DMRT1: variants seen among roughly 807,000 people sequenced by gnomAD.
DMRT1 encodes doublesex and mab-3 related transcription factor 1, also known as doublesex- and mab-3-related transcription factor 1.
A neutral mutation model predicts 32.3 loss-of-function variants in DMRT1; 7 were observed. That is an observed-to-expected ratio of 0.22 (90% CI 0.12 to 0.41). The LOEUF (loss-of-function observed/expected upper bound fraction) is 0.41. Ranked by LOEUF, DMRT1 falls within the 10% of genes least tolerant of loss-of-function variation. DMRT1 has a pLI of 1.00. For missense variants in DMRT1, 625 were observed against 500.5 expected, an observed-to-expected ratio of 1.25 and a Z score of -2.37; for synonymous variants, 278 against 206.1, an observed-to-expected ratio of 1.35 and a Z score of -2.99.
At chr9:926,944 C>T (rs1403739181) in intron 4 of DMRT1, among the ~76,000 whole-genome samples, 2 of 152,178 alleles carry the variant, frequency 1.3e-5, no homozygotes, top group Non-Finnish European at 2.9e-5. Flanking sequence ...CATTTAGAGA[C>T]CATTTGTATT....
intron 3 of DMRT1, among the ~76,000 whole-genome samples, chr9:906,511 T>A (rs1243858512): frequency 6.6e-6 from 1 of 152,190 alleles, no homozygotes; most frequent in African/African-American, 2.4e-5. Context: ...GCCCTGGAGA[T>A]TGTGATGGTG....
At chr9:855,833 G>A (rs1252265811) in intron 2 of DMRT1, among the ~76,000 whole-genome samples, 1 of 152,120 alleles carries the variant, frequency 6.6e-6, no homozygotes, top group Non-Finnish European at 1.5e-5. Flanking sequence ...TGCCTAGGCT[G>A]GTCTCAAACT....
intron 2 of DMRT1, among the ~76,000 whole-genome samples, chr9:859,819 C>G (rs1048137711): frequency 6.6e-6 from 1 of 152,072 alleles, no homozygotes; most frequent in Non-Finnish European, 1.5e-5. Flanking sequence ...AGAAAATAAT[C>G]AATTCAGTAT....
intron 2 of DMRT1, among the ~76,000 whole-genome samples, chr9:884,663 T>C (rs752436796): frequency 2.6e-5 from 4 of 152,186 alleles, no homozygotes; most frequent in Non-Finnish European, 5.9e-5. Flanking sequence ...TAGGAGTATA[T>C]ACCAATGGTA....
intron 2 of DMRT1, among the ~76,000 whole-genome samples, chr9:888,377 C>T (rs1182811074): frequency 6.6e-6 from 1 of 151,432 alleles, no homozygotes; most frequent in African/African-American, 2.4e-5. Context: ...GCGATCTCGG[C>T]TCACTGCACC....
At chr9:897,689 C>G (rs1817424916) in intron 3 of DMRT1, among the ~76,000 whole-genome samples, 1 of 151,886 alleles carries the variant, frequency 6.6e-6, no homozygotes, top group South Asian at 2.1e-4. Flanking sequence ...GTTTTAAAAT[C>G]ATGTTTGTTC....
At chr9:869,407 C>T (rs907585947) in intron 2 of DMRT1, among the ~76,000 whole-genome samples, 1 of 152,242 alleles carries the variant, frequency 6.6e-6, no homozygotes, top group Non-Finnish European at 1.5e-5. Context: ...TAGCTGTTCT[C>T]CGTAGGAATT....
rs752968900 is a variant in DMRT1 at position 851,861 on chromosome 9, GA to G, written c.538+4721del. Among the ~76,000 whole-genome samples, 17 of 152,122 alleles carry G rather than the reference GA, an allele frequency of 1.1e-4. 1 individual carries two copies. The highest frequency in any genetic ancestry group is 5.2e-4 in the Admixed American group (8 of 15,268). ...TTACATGATTTTGGATATTACTGTG[GA>G]AAGAAATAGTCTTTTGAAGAAATTC... On this transcript the variant is annotated intron_variant, in intron 2 of 4. Coordinates refer to ENST00000382276, the MANE Select transcript of DMRT1 (RefSeq NM_021951.3).
intron 3 of DMRT1, among the ~76,000 whole-genome samples, chr9:898,662 C>G (rs2129653911): frequency 6.6e-6 from 1 of 152,264 alleles, no homozygotes; most frequent in South Asian, 2.1e-4. Context: ...GTGCTGTTCT[C>G]TCCTGACTGA....
At chr9:963,076 A>G (rs1230143375) in intron 4 of DMRT1, among the ~76,000 whole-genome samples, 3 of 152,182 alleles carry the variant, frequency 2.0e-5, no homozygotes, top group African/African-American at 7.2e-5. Flanking sequence ...CTTTCTGTTA[A>G]GTTCACCTAG....
In DMRT1 at chr9:968,271, A is replaced by G; in HGVS notation, c.*132A>G. On this transcript the variant is annotated 3_prime_UTR_variant, in exon 5 of 5. Transcript: ENST00000382276. The stretch of plus-strand genomic sequence containing the variant: ...AACGTATTTGGTTTATATTCCTTAG[A>G]GTTTAGTCCAGAGGCTGTAACACAT... 1 of 1,101,680 alleles carries G rather than the reference A, an allele frequency of 9.1e-7. No individual in the cohort carries two copies. Among genetic ancestry groups the G allele is most frequent in the Non-Finnish European group, 1.3e-6 (1 of 758,998 alleles). 68.2% of individuals were successfully genotyped at this position (1,101,680 alleles called of 1,614,324 possible). A position where few individuals can be genotyped will look rare whatever the true frequency, so the allele number is the denominator to read the frequency against.
intron 2 of DMRT1, among the ~76,000 whole-genome samples, chr9:870,711 T>C (rs867822202): frequency 1.9e-5 from 2 of 103,616 alleles, no homozygotes; most frequent in African/African-American, 8.5e-5. Flanking sequence ...TTTCTTGACT[T>C]TTTTTTTTTT....
intron 3 of DMRT1, among the ~76,000 whole-genome samples, chr9:907,969 G>A (rs769244230): frequency 1.3e-5 from 2 of 152,128 alleles, no homozygotes; most frequent in African/African-American, 2.4e-5. Flanking sequence ...CTGTTGTTCC[G>A]TCAGTACCAC....
In DMRT1 at chr9:857,315, T is replaced by C. The variant is rs7869068; in HGVS notation, c.538+10172T>C. On this transcript the variant is annotated intron_variant, in intron 2 of 4. Transcript: ENST00000382276. ...GAGCAAGACTCTATCTCAAAAAAAA[T>C]ATATATATGTGTATATATTGAATAT... 3.3e-5 allele frequency among the ~76,000 whole-genome samples: 5 copies of C among 151,598 alleles called. No individual in the cohort carries two copies. In the South Asian group the frequency reaches 1.0e-3, roughly 31 times the overall value.
intron 4 of DMRT1, among the ~76,000 whole-genome samples, chr9:918,418 G>A (rs764625554): frequency 6.6e-6 from 1 of 152,188 alleles, no homozygotes; most frequent in Admixed American, 6.6e-5. Context: ...AAAAATATAA[G>A]AGGCAATTTA....
rs1290122570 is a variant in DMRT1, at chr9:841,779, T to C, written c.-60T>C. The C allele has an allele frequency of 6.4e-7, 1 of 1,560,220 alleles. No homozygotes were observed. Among genetic ancestry groups the C allele is most frequent in the Non-Finnish European group, 8.7e-7 (1 of 1,153,102 alleles). ...CGTCGCTGTCCGTCGGGTTCATCCC[T>C]CGCAGCAGTCTCCAGGCGAGAGAGG... is the stretch of plus-strand genomic sequence containing the variant. On this transcript the variant is annotated 5_prime_UTR_variant, in exon 1 of 5. Coordinates refer to ENST00000382276, the MANE Select transcript of DMRT1 (RefSeq NM_021951.3).
intron 2 of DMRT1, among the ~76,000 whole-genome samples, chr9:864,055 A>T (rs1049558140): frequency 6.6e-6 from 1 of 152,046 alleles, no homozygotes; most frequent in Non-Finnish European, 1.5e-5. Flanking sequence ...AGTCCTCGTC[A>T]CTGCACTCTT....
intron 4 of DMRT1, among the ~76,000 whole-genome samples, chr9:948,546 C>A (rs761949760): frequency 1.3e-5 from 2 of 152,064 alleles, no homozygotes; most frequent in Admixed American, 1.3e-4. Context: ...TCTCTGCTGG[C>A]CCGGGACAGA....
Position 894,020 on chromosome 9 carries a change from C to T in DMRT1, c.647C>T (p.Pro216Leu), listed in dbSNP as rs1817252303. 1 of 1,614,264 alleles carries T rather than the reference C, an allele frequency of 6.2e-7. No homozygotes were observed. The highest frequency in any genetic ancestry group is 1.1e-5 in the South Asian group (1 of 91,084). Reference protein sequence around the residue: ...DSTYYSSFYQPSLFPYYNNLY... With the variant: ...DSTYYSSFYQLSLFPYYNNLY... The stretch of plus-strand genomic sequence containing the variant: ...ACCTACTACAGCAGCTTCTACCAGC[C>T]GTCTCTGTTTCCTTATTACAACAAT... The change falls in exon 3 of 5, where the codon CCG becomes CTG. Residue 216 changes from proline to leucine, a missense_variant. Pro to Leu is a moderately conservative substitution (Grantham distance 98). Transcript: ENST00000382276.
Sources: gnomAD v4.1 joint callset for allele counts (sites outside exome capture counted in the v4.1 genomes callset) on GRCh38, gnomAD v4.1.1 for gene constraint, MANE v1.5 for transcripts, NCBI Gene and HGNC (gene_info 2026-07-23, HGNC 2026-07-21) for gene names.